Variants in TGS1 observed in about 807,000 individuals in gnomAD.
The protein encoded by TGS1 is trimethylguanosine synthase 1, also known as trimethylguanosine synthase.
Under a neutral mutation model 92.2 loss-of-function variants are expected in TGS1, and 69 were observed. The ratio of observed to expected loss-of-function variants is 0.75; its 90% confidence interval spans 0.62 to 0.91. TGS1 has a LOEUF of 0.91. Ranked by LOEUF, TGS1 falls within the 40% of genes least tolerant of loss-of-function variation. TGS1 has a pLI of 0.00. For synonymous variants in TGS1, 345 were observed against 338.1 expected (o/e 1.02, Z -0.22); for missense variants, 1,062 against 1,001.2 (o/e 1.06, Z -0.82).
At chr8:55,812,028 A>T (rs1029709308) in intron 11 of TGS1, among the ~76,000 whole-genome samples, 4 of 152,162 alleles carry the variant, frequency 2.6e-5, no homozygotes, top group Non-Finnish European at 4.4e-5. Context: ...TTTGTCGGTA[A>T]CCATTCTGTA....
chr8:55,814,828 A>G (rs1307135105), intron 12 of TGS1, among the ~76,000 whole-genome samples: 1 of 144,104 alleles, frequency 6.9e-6, no homozygotes, highest in Non-Finnish European at 1.5e-5. Flanking sequence ...ACAGAGTGAG[A>G]CTGTCTAAAA....
chr8:55,818,468 A>C (rs1297384272), intron 12 of TGS1, among the ~76,000 whole-genome samples: 1 of 151,954 alleles, frequency 6.6e-6, no homozygotes. Flanking sequence ...TTCTAGACCA[A>C]CTCTGTTCTT....
At chr8:55,813,340 A>G (rs1249324024) in intron 12 of TGS1, among the ~76,000 whole-genome samples, 1 of 152,232 alleles carries the variant, frequency 6.6e-6, no homozygotes, top group Non-Finnish European at 1.5e-5. Context: ...AGAGCACTCT[A>G]GGCTTTGACT....
At chr8:55,802,133 G>A (rs1812234536) in intron 8 of TGS1, among the ~76,000 whole-genome samples, 1 of 152,184 alleles carries the variant, frequency 6.6e-6, no homozygotes. Flanking sequence ...GGCGGAGCTT[G>A]CAGTGAGCCA....
chr8:55,796,037 A>G lies in TGS1; in HGVS notation c.1427A>G (p.Lys476Arg). ...RQVRYLEKNV[K>R]LKSKYLDMRR... ...GTCAGGTATTTAGAGAAGAATGTGA[A>G]GCTTAAGTCTAAGTACCTAGACATG... is the stretch of plus-strand genomic sequence containing the variant. The change falls in exon 7 of 13, where the codon AAG (lysine) becomes AGG (arginine). Residue 476 changes from lysine (K) to arginine (R), a missense_variant. Coordinates refer to ENST00000260129, the MANE Select transcript of TGS1 (RefSeq NM_024831.8). The G allele has an allele frequency of 6.2e-7, 1 of 1,613,680 alleles. No homozygotes were observed. The highest frequency in any genetic ancestry group is 8.5e-7 in the Non-Finnish European group (1 of 1,179,710).
intron 1 of TGS1, among the ~76,000 whole-genome samples, chr8:55,781,067 C>G (rs1445412273): frequency 6.6e-6 from 1 of 152,192 alleles, no homozygotes; most frequent in Admixed American, 6.5e-5. Context: ...AAACCAAAAG[C>G]TGGCTGCTCA....
chr8:55,809,754 A>G (rs1201551474), intron 10 of TGS1, among the ~76,000 whole-genome samples: 2 of 152,226 alleles, frequency 1.3e-5, no homozygotes, highest in Non-Finnish European at 2.9e-5. Flanking sequence ...TTTATGTGAT[A>G]GATTGAATGC....
In TGS1 at chr8:55,786,623, G is replaced by A. The variant is rs2130130613; in HGVS notation, c.725G>A (p.Ser242Asn). Residue 242 changes from serine (S) to asparagine (N), a missense_variant, in exon 4 of 13, where the codon AGT becomes AAT. Coordinates refer to ENST00000260129, the MANE Select transcript of TGS1 (RefSeq NM_024831.8). ...AAGGAAGAATGGGAGCAACATTATAGTCAACTTTATTGGTATTATTTGGAA... is the reference window on the plus strand; with the variant it reads ...AAGGAAGAATGGGAGCAACATTATAATCAACTTTATTGGTATTATTTGGAA... ...DTKEEWEQHY[S>N]QLYWYYLEQF... 6.2e-7 allele frequency: 1 copy of A among 1,614,166 alleles called. No individual in the cohort carries two copies. Among genetic ancestry groups the A allele is most frequent in the East Asian group, 2.2e-5 (1 of 44,878 alleles).
At chr8:55,787,121 A>G (rs1398385629) in intron 4 of TGS1, 61 bp downstream of exon 4, 1 of 1,147,394 alleles carries the variant, frequency 8.7e-7, no homozygotes, top group African/African-American at 1.5e-5. Context: ...TCATTTAGCA[A>G]AATAACTACT....
intron 11 of TGS1, 34 bp downstream of exon 11, chr8:55,811,131 C>A: frequency 6.8e-6 from 8 of 1,172,360 alleles, no homozygotes; most frequent in South Asian, 2.5e-5. Context: ...TTTACTGAAA[C>A]AATGATTGTG....
intron 9 of TGS1, among the ~76,000 whole-genome samples, chr8:55,803,147 G>C (rs1382309073): frequency 1.3e-5 from 2 of 152,060 alleles, no homozygotes; most frequent in Non-Finnish European, 1.5e-5. Context: ...GTGTGTGTGT[G>C]TGTATTTTTA....
chr8:55,811,468 G>C (rs1382620196), intron 11 of TGS1, among the ~76,000 whole-genome samples: 1 of 148,918 alleles, frequency 6.7e-6, no homozygotes. Context: ...TCTCAAAAGA[G>C]AGAGAGAGAT....
intron 4 of TGS1, 182 bp from the exon 5 acceptor site, chr8:55,790,000 A>G (rs10808903): frequency 3.8e-5 from 20 of 529,246 alleles, no homozygotes; most frequent in Non-Finnish European, 6.1e-5. Context: ...CTTATAGTTA[A>G]GATTTTTAAA....
At chr8:55,796,409 G>A (rs541529896) in intron 7 of TGS1, among the ~76,000 whole-genome samples, 14 of 152,142 alleles carry the variant, frequency 9.2e-5, no homozygotes, top group Non-Finnish European at 1.5e-4. Flanking sequence ...AAACGCAGCC[G>A]TCAGGCGTGG....
At chr8:55,813,790 GT>G (rs1314295983) in intron 12 of TGS1, among the ~76,000 whole-genome samples, 2 of 152,016 alleles carry the variant, frequency 1.3e-5, no homozygotes, top group African/African-American at 4.8e-5. Flanking sequence ...ATTTTCTAGT[GT>G]TTGTCGCTTC....
At chr8:55,808,116 A>G (rs1270768530) in intron 10 of TGS1, among the ~76,000 whole-genome samples, 3 of 152,208 alleles carry the variant, frequency 2.0e-5, no homozygotes, top group African/African-American at 7.2e-5. Context: ...TTTTAAGGTC[A>G]GTGCTGATGA....
intron 1 of TGS1, among the ~76,000 whole-genome samples, chr8:55,776,196 G>C (rs1010798169): frequency 3.3e-5 from 5 of 151,882 alleles, no homozygotes; most frequent in Non-Finnish European, 7.4e-5. Flanking sequence ...GATTGATTGA[G>C]CAAGCAAGGG....
chr8:55,786,124 C>T, intron 3 of TGS1, 114 bp from the exon 4 acceptor site: 1 of 736,930 alleles, frequency 1.4e-6, no homozygotes, highest in East Asian at 2.8e-5. Context: ...GCTAAAAGCC[C>T]ATAGTGGGGC....
At position 55,813,113 on chromosome 8, in the gene TGS1, G is replaced by T. The variant is rs1188392784; in HGVS notation, c.2434G>T (p.Asp812Tyr). The T allele has an allele frequency of 2.5e-6, 4 of 1,605,994 alleles. No homozygotes were observed. Among genetic ancestry groups the T allele is most frequent in the South Asian group, 1.1e-5 (1 of 90,530 alleles). ...TTTTCTTCCAAGAAATGCTGATATTGACCAGGTAAGCCATTACTGAAAAAC... is the reference window on the plus strand; with the variant it reads ...TTTTCTTCCAAGAAATGCTGATATTTACCAGGTAAGCCATTACTGAAAAAC... ...VYFLPRNADI[D>Y]QVASLAGPGG... Residue 812 changes from aspartate (D) to tyrosine (Y), a missense_variant, in exon 12 of 13, where the codon GAC becomes TAC. Transcript: ENST00000260129.
Sources: gnomAD v4.1 joint callset for allele counts (sites outside exome capture counted in the v4.1 genomes callset) on GRCh38, gnomAD v4.1.1 for gene constraint, MANE v1.5 for transcripts, NCBI Gene and HGNC (gene_info 2026-07-23, HGNC 2026-07-21) for gene names.